Variants in LMNA observed in about 807,000 individuals in gnomAD.
LMNA encodes the protein lamin A/C, also known as lamin.
Under a neutral mutation model 70.4 loss-of-function variants are expected in LMNA, and 20 were observed. The observed-to-expected ratio is 0.28, with a 90% confidence interval of 0.20 to 0.41. The LOEUF is 0.41. Among genes scored for constraint, LMNA ranks in the 10% least tolerant of loss-of-function variants. The pLI is 1.00. For missense variants in LMNA, 652 were observed against 917.2 expected (o/e 0.71, Z 3.73); for synonymous variants, 339 against 372.8 (o/e 0.91, Z 1.04).
Position 156,115,376 on chromosome 1 carries a change from C to G in LMNA, c.356+102C>G. 1 of 1,083,986 alleles carries G rather than the reference C, an allele frequency of 9.2e-7. No homozygotes were observed. The highest frequency in any genetic ancestry group is 1.4e-6 in the Non-Finnish European group (1 of 736,580). The allele number at this position is 1,083,986 out of a possible 1,614,324, so 67.1% of individuals were successfully genotyped here. On this transcript the variant is annotated intron_variant, in intron 1 of 11. Transcript: ENST00000368300. This position sits in a 1 kb window ranked among gnomAD's most constrained non-coding sequence, Gnocchi z 5.8. ...GAAGGGAGTGAGAGGGCCTGGAGGC[C>G]GATAACTTTGCCATAGTCTCCTCCC... is the stretch of plus-strand genomic sequence containing the variant.
upstream of LMNA, among the ~76,000 whole-genome samples, chr1:156,110,912 G>C (rs1649515089): frequency 6.6e-6 from 1 of 152,090 alleles, no homozygotes; most frequent in South Asian, 2.1e-4. Context: ...GAAGGCAGAG[G>C]TTGCAGTGAG....
rs2102895016 is a variant in LMNA, at chr1:156,137,126, G to A, written c.1502G>A (p.Gly501Glu). 1 of 1,613,818 alleles carries A rather than the reference G, an allele frequency of 6.2e-7. No homozygotes were observed. The highest frequency in any genetic ancestry group is 8.5e-7 in the Non-Finnish European group (1 of 1,179,860). Reference sequence around the variant, plus strand: ...TCTCCTCTCCAGATCTGGGCTGCAGGAGCTGGGGCCACCCACAGCCCCCCT... The same window carrying A: ...TCTCCTCTCCAGATCTGGGCTGCAGAAGCTGGGGCCACCCACAGCCCCCCT... ...AGQVVTIWAA[G>E]AGATHSPPTD... The change falls in exon 9 of 12, where the codon GGA becomes GAA. Residue 501 changes from glycine to glutamate, a missense_variant. Transcript: ENST00000368300. This position sits in a 1 kb window ranked among gnomAD's most constrained non-coding sequence, Gnocchi z 4.6.
chr1:156,090,683 G>A (rs576950299), intron 3 of LMNA: 1 of 152,598 alleles, frequency 6.6e-6, no homozygotes, highest in African/African-American at 2.4e-5. Context: ...GGAGCCCACA[G>A]AGGGTGGAGG....
chr1:156,098,409 G>A (rs769140284), intron 3 of LMNA, among the ~76,000 whole-genome samples: 6 of 152,218 alleles, frequency 3.9e-5, no homozygotes, highest in Non-Finnish European at 8.8e-5. Flanking sequence ...ATGGGAGTCA[G>A]GTAGATGAAC....
chr1:156,099,273 G>A (rs998882029), intron 3 of LMNA, among the ~76,000 whole-genome samples: 1 of 152,108 alleles, frequency 6.6e-6, no homozygotes, highest in Non-Finnish European at 1.5e-5. Flanking sequence ...CTGGCTCTCT[G>A]ACTTTTCTGC....
At position 156,115,327 on chromosome 1, in the gene LMNA, G is replaced by T; in HGVS notation, c.356+53G>T. 6.6e-7 allele frequency: 1 copy of T among 1,515,942 alleles called. No individual in the cohort carries two copies. Among genetic ancestry groups the T allele is most frequent in the Non-Finnish European group, 8.9e-7 (1 of 1,120,114 alleles). The allele number at this position is 1,515,942 out of a possible 1,614,324, so 93.9% of individuals were successfully genotyped here. On this transcript the variant is annotated intron_variant, in intron 1 of 11. Transcript: ENST00000368300. This position sits in a 1 kb window ranked among gnomAD's most constrained non-coding sequence, Gnocchi z 5.8. The stretch of plus-strand genomic sequence containing the variant: ...TGGCGGGGAGTGGAGAGGGCGGCGG[G>T]CCGGCGCCCCTGGCCGGCCGCAGGA...
At chr1:156,090,685 G>A (rs1487041733) in intron 3 of LMNA, 3 of 152,484 alleles carry the variant, frequency 2.0e-5, no homozygotes, top group African/African-American at 7.2e-5. Context: ...AGCCCACAGA[G>A]GGTGGAGGGA....
chr1:156,136,143 G>C lies in LMNA; in HGVS notation c.1157+22G>C. 2 of 1,613,742 alleles carry C rather than the reference G, an allele frequency of 1.2e-6. No homozygotes were observed. The highest frequency in any genetic ancestry group is 1.3e-5 in the African/African-American group (1 of 75,070). ...AGAGGTGGGCTGGGGAGACGTCGGG[G>C]AGGTGCTGGCAGTGTCCTCTGGCCG... On this transcript the variant is annotated intron_variant, in intron 6 of 11. Coordinates refer to ENST00000368300, the MANE Select transcript of LMNA (RefSeq NM_170707.4). The surrounding 1 kb of genome is among the most constrained non-coding windows in gnomAD (Gnocchi z 6.1).
At position 156,136,848 on chromosome 1, in the gene LMNA, G is replaced by A; in HGVS notation, c.1381-73G>A. The A allele has an allele frequency of 2.4e-6, 3 of 1,268,274 alleles. No homozygotes were observed. The South Asian group carries it at 3.8e-5, about 16-fold the overall frequency. 78.6% of individuals were successfully genotyped at this position (1,268,274 alleles called of 1,614,324 possible). On this transcript the variant is annotated intron_variant, in intron 7 of 11. Transcript: ENST00000368300. This position sits in a 1 kb window ranked among gnomAD's most constrained non-coding sequence, Gnocchi z 6.1. ...TCAATTGCAGGCAGGCAGAGGGCTG[G>A]GCCTTTGAGCAAGATACACCCAAGA... is the stretch of plus-strand genomic sequence containing the variant.
rs751886390 is a variant in LMNA, at chr1:156,115,071, G to A, written c.153G>A (p.Ser51=). Residue 51 remains serine (S), a synonymous_variant, in exon 1 of 12, where the codon TCG becomes TCA. Transcript: ENST00000368300. This position sits in a 1 kb window ranked among gnomAD's most constrained non-coding sequence, Gnocchi z 5.8. ...CGGTCTACATCGACCGTGTGCGCTCGCTGGAAACGGAGAACGCAGGGCTGC... is the reference window on the plus strand; with the variant it reads ...CGGTCTACATCGACCGTGTGCGCTCACTGGAAACGGAGAACGCAGGGCTGC... ...RLAVYIDRVR[S]LETENAGLRL... The A allele has an allele frequency of 6.3e-7, 1 of 1,594,080 alleles. No individual in the cohort carries two copies. Among genetic ancestry groups the A allele is most frequent in the Non-Finnish European group, 8.5e-7 (1 of 1,170,422 alleles).
chr1:156,084,344 C>A (rs1308078895), intron 2 of LMNA, among the ~76,000 whole-genome samples: 5 of 71,618 alleles, frequency 7.0e-5, no homozygotes, highest in Non-Finnish European at 9.6e-5. Context: ...GTGGTGGGGG[C>A]AGTTGGCACA....
chr1:156,105,131 G>GCT (rs1488858367), intron 3 of LMNA, among the ~76,000 whole-genome samples: 2 of 152,176 alleles, frequency 1.3e-5, no homozygotes, highest in African/African-American at 4.8e-5. Context: ...AGTGAGGTGG[G>GCT]CTCTTGGCAT....
Position 156,137,799 on chromosome 1 carries a change from T to C in LMNA, c.1698+56T>C. ...TGCACTGGGGCCACCCAGCCAGGCC[T>C]GGGGGCAGCCTCTCCCCAGCCTCCC... On this transcript the variant is annotated intron_variant, in intron 10 of 11. Coordinates refer to ENST00000368300, the MANE Select transcript of LMNA (RefSeq NM_170707.4). This position sits in a 1 kb window ranked among gnomAD's most constrained non-coding sequence, Gnocchi z 4.6. The C allele has an allele frequency of 6.5e-7, 1 of 1,547,182 alleles. No individual in the cohort carries two copies. Among genetic ancestry groups the C allele is most frequent in the South Asian group, 1.2e-5 (1 of 83,954 alleles).
At chr1:156,116,342 C>G (rs1649826091) in intron 1 of LMNA, among the ~76,000 whole-genome samples, 1 of 149,590 alleles carries the variant, frequency 6.7e-6, no homozygotes, top group South Asian at 2.1e-4. Context: ...CTGCCCCACC[C>G]TACCCCACCC....
rs763537103 is a variant in LMNA at position 156,136,292 on chromosome 1, G to C, written c.1236G>C (p.Gly412=). Residue 412 remains glycine, a synonymous_variant, in exon 7 of 12, where the codon GGG becomes GGC. Coordinates refer to ENST00000368300, the MANE Select transcript of LMNA (RefSeq NM_170707.4). The surrounding 1 kb of genome is among the most constrained non-coding windows in gnomAD (Gnocchi z 6.1). ...ASSHSSQTQG[G]GSVTKKRKLE... ...CTCACTCATCCCAGACACAGGGTGG[G>C]GGCAGCGTCACCAAAAAGCGCAAAC... is the stretch of plus-strand genomic sequence containing the variant. The C allele has an allele frequency of 3.5e-5, 56 of 1,612,108 alleles. No homozygotes were observed. The East Asian group carries it at 1.2e-3, about 33-fold the overall frequency.
In LMNA at chr1:156,134,447, G is replaced by A; in HGVS notation, c.558G>A (p.Glu186=). The change falls in exon 3 of 12, where the codon GAG becomes GAA. Residue 186 remains glutamate (E), a synonymous_variant. Transcript: ENST00000368300. The surrounding 1 kb of genome is among the most constrained non-coding windows in gnomAD (Gnocchi z 5.3). ...AGGCCAAGAAGCAACTTCAGGATGAGATGCTGCGGCGGGTGGATGCTGAGA... is the reference window on the plus strand; with the variant it reads ...AGGCCAAGAAGCAACTTCAGGATGAAATGCTGCGGCGGGTGGATGCTGAGA... ...LGEAKKQLQD[E]MLRRVDAENR... is the part of the protein sequence containing the mutation. The A allele has an allele frequency of 3.7e-6, 6 of 1,614,218 alleles. No homozygotes were observed. Among genetic ancestry groups the A allele is most frequent in the Non-Finnish European group, 5.1e-6 (6 of 1,180,038 alleles).
intron 2 of LMNA, among the ~76,000 whole-genome samples, chr1:156,084,658 A>C (rs927870022): frequency 6.6e-6 from 1 of 152,008 alleles, no homozygotes; most frequent in Non-Finnish European, 1.5e-5. Flanking sequence ...TCTTTGGGAG[A>C]AAGTTTTTGC....
chr1:156,133,781 A>C (rs1651284677), intron 2 of LMNA, among the ~76,000 whole-genome samples: 2 of 151,956 alleles, frequency 1.3e-5, no homozygotes, highest in African/African-American at 4.8e-5. Context: ...ACATGCCTTC[A>C]TACCTCTGTG....
chr1:156,116,923 T>G (rs898362198), intron 1 of LMNA, among the ~76,000 whole-genome samples: 5 of 149,584 alleles, frequency 3.3e-5, no homozygotes, highest in Admixed American at 2.0e-4. Flanking sequence ...GGCTTAACGG[T>G]TTTTTTTTGA....
Sources: allele counts gnomAD v4.1 joint callset (sites outside exome capture counted in the v4.1 genomes callset), GRCh38; gene constraint gnomAD v4.1.1; non-coding constraint Gnocchi (gnomAD v3.1); transcripts MANE v1.5; gene names NCBI Gene and HGNC (gene_info 2026-07-23, HGNC 2026-07-21).